IDH3B: variants seen among roughly 807,000 people sequenced by gnomAD.
IDH3B encodes the protein isocitrate dehydrogenase [NAD] subunit beta, mitochondrial.
In IDH3B, 40 loss-of-function variants were observed where a neutral mutation model predicts 47.5. That is an observed-to-expected ratio of 0.84 (90% CI 0.65 to 1.10). The LOEUF (loss-of-function observed/expected upper bound fraction) is 1.10, where lower values mean the gene tolerates loss of function less well. IDH3B is among the 50% of genes least tolerant of loss of function. IDH3B has a pLI of 0.00. For missense variants in IDH3B, 450 were observed against 505.2 expected (o/e 0.89, Z 1.05); for synonymous variants, 185 against 191.0 (o/e 0.97, Z 0.26).
intron 11 of IDH3B, 159 bp downstream of exon 11, chr20:2,659,365 AG>A: frequency 6.3e-7 from 1 of 1,575,122 alleles, no homozygotes; most frequent in Non-Finnish European, 8.6e-7. Flanking sequence ...AGGGAGATGA[AG>A]AACAGCCCTG....
chr20:2,658,690 T>TA lies in IDH3B; in HGVS notation c.*60dup. 1 of 1,614,158 alleles carries TA rather than the reference T, an allele frequency of 6.2e-7. No individual in the cohort carries two copies. Among genetic ancestry groups the TA allele is most frequent in the Non-Finnish European group, 8.5e-7 (1 of 1,180,004 alleles). On this transcript the variant is annotated 3_prime_UTR_variant, in exon 12 of 12. Transcript: ENST00000380843. The stretch of plus-strand genomic sequence containing the variant: ...TAGAGGCACAAGGTCTCTTCCCTGG[T>TA]ACACTGCACTGAAGGGTATGGGGAG...
Position 2,660,276 on chromosome 20 carries a change from T to C in IDH3B, c.755A>G (p.Asn252Ser). Residue 252 changes from asparagine to serine, a missense_variant, in exon 8 of 12, where the codon AAC (asparagine) becomes AGC (serine). Transcript: ENST00000380843. The surrounding 1 kb of genome is among the most constrained non-coding windows in gnomAD (Gnocchi z 5.6). ...GGGAGGCCTCACCTGCATGCAGCAG[T>C]TGTCTATGATCATTGTCTCAAATTT... ...KIKFETMIID[N>S]CCMQLVQNPY... is the part of the protein sequence containing the mutation. The C allele has an allele frequency of 6.2e-7, 1 of 1,614,086 alleles. No homozygotes were observed. Among genetic ancestry groups the C allele is most frequent in the Non-Finnish European group, 8.5e-7 (1 of 1,179,986 alleles).
At chr20:2,659,426 A>T in intron 11 of IDH3B, 99 bp downstream of exon 11, 2 of 1,514,930 alleles carry the variant, frequency 1.3e-6, no homozygotes, top group Non-Finnish European at 1.8e-6. Flanking sequence ...ACCTGGGGGG[A>T]AAGGAGACCC....
intron 1 of IDH3B, 44 bp downstream of exon 1, chr20:2,664,109 C>A: frequency 6.2e-7 from 1 of 1,607,332 alleles, no homozygotes; most frequent in Non-Finnish European, 8.5e-7. Flanking sequence ...GACAAACTCT[C>A]CGCTCCTTCG....
At chr20:2,662,678 G>A (rs1413681386) in intron 4 of IDH3B, among the ~76,000 whole-genome samples, 2 of 152,094 alleles carry the variant, frequency 1.3e-5, no homozygotes, top group Non-Finnish European at 2.9e-5. Context: ...AATTAGCCTG[G>A]GCATGGTGGC....
chr20:2,658,833 C>T lies in IDH3B; in HGVS notation c.1076G>A (p.Arg359Gln), dbSNP rs151027738. 5.8e-5 allele frequency: 93 copies of T among 1,613,906 alleles called. No homozygotes were observed. Among genetic ancestry groups the T allele is most frequent in the Middle Eastern group, 1.6e-4 (1 of 6,066 alleles). Residue 359 changes from arginine to glutamine, a missense_variant, in exon 12 of 12, where the codon CGG (arginine) becomes CAG (glutamine). Transcript: ENST00000380843. Reference sequence around the variant, plus strand: ...GCTGTAGCCGCCCATGTCTCGAGTCCGCACCTACAGCCACCACCGGCAACA... The same window carrying T: ...GCTGTAGCCGCCCATGTCTCGAGTCTGCACCTACAGCCACCACCGGCAACA... ...VKKVIKVGKVRTRDMGGYSTT... is the reference protein window; with the variant it reads ...VKKVIKVGKVQTRDMGGYSTT...
In IDH3B at chr20:2,658,651, C is replaced by T. The variant is rs775683852; in HGVS notation, c.*100G>A. ...CCTAGGCTCTACCCAGCAAGGTGAC[C>T]ATGGTCCACTGCTTAGAGGCACAAG... On this transcript the variant is annotated 3_prime_UTR_variant, in exon 12 of 12. Coordinates refer to ENST00000380843, the MANE Select transcript of IDH3B (RefSeq NM_006899.5). The T allele has an allele frequency of 8.7e-6, 14 of 1,613,900 alleles. No homozygotes were observed. The highest frequency in any genetic ancestry group is 1.7e-4 in the Middle Eastern group (1 of 6,058).
chr20:2,659,852 T>C, intron 9 of IDH3B, 59 bp from the exon 10 acceptor site: 2 of 1,475,108 alleles, frequency 1.4e-6, no homozygotes, highest in South Asian at 1.1e-5. Flanking sequence ...TGCAGAGGCT[T>C]AGGTTGGAAA....
rs556473702 is a variant in IDH3B, at chr20:2,658,841, C to A, written c.1072-4G>T. ...CGCCCATGTCTCGAGTCCGCACCTA[C>A]AGCCACCACCGGCAACAGCCGTGGG... On this transcript the variant is annotated splice_polypyrimidine_tract_variant and splice_region_variant and intron_variant, in intron 11 of 11. Transcript: ENST00000380843. The A allele has an allele frequency of 6.2e-7, 1 of 1,614,082 alleles. No homozygotes were observed. The highest frequency in any genetic ancestry group is 8.5e-7 in the Non-Finnish European group (1 of 1,180,038).
Position 2,658,705 on chromosome 20 carries a change from G to A in IDH3B, c.*46C>T. On this transcript the variant is annotated 3_prime_UTR_variant, in exon 12 of 12. Coordinates refer to ENST00000380843, the MANE Select transcript of IDH3B (RefSeq NM_006899.5). ...TCTTCCCTGGTACACTGCACTGAAG[G>A]GTATGGGGAGTGTGGTCCTTGCAAG... 1 of 1,614,148 alleles carries A rather than the reference G, an allele frequency of 6.2e-7. No homozygotes were observed. The highest frequency in any genetic ancestry group is 1.1e-5 in the South Asian group (1 of 91,076).
At chr20:2,663,411 T>C in intron 4 of IDH3B, 35 bp downstream of exon 4, 1 of 1,613,496 alleles carries the variant, frequency 6.2e-7, no homozygotes. Context: ...TGATTTTAAA[T>C]GGCACATGGA....
chr20:2,660,984 T>G lies in IDH3B; in HGVS notation c.338-15A>C. The stretch of plus-strand genomic sequence containing the variant: ...ATGAATCTTTCCTGTGAAAACAAAG[T>G]GGGAAAAGGAGTGTCAGCCACAGGC... On this transcript the variant is annotated splice_polypyrimidine_tract_variant and intron_variant, in intron 4 of 11. Transcript: ENST00000380843. This position sits in a 1 kb window ranked among gnomAD's most constrained non-coding sequence, Gnocchi z 5.6. 6.2e-6 allele frequency: 10 copies of G among 1,613,346 alleles called. No individual in the cohort carries two copies. The highest frequency in any genetic ancestry group is 8.5e-6 in the Non-Finnish European group (10 of 1,179,620).
At chr20:2,659,228 C>A (rs1045954538) in intron 11 of IDH3B, 2 of 1,441,084 alleles carry the variant, frequency 1.4e-6, no homozygotes, top group Admixed American at 2.8e-5. Context: ...TGTTCCACCC[C>A]CAAGGAGAGC....
At position 2,664,007 on chromosome 20, in the gene IDH3B, T is replaced by G. The variant is rs1568552186; in HGVS notation, c.37-2A>C. On this transcript the variant is annotated splice_acceptor_variant, in intron 1 of 11. Coordinates refer to ENST00000380843, the MANE Select transcript of IDH3B (RefSeq NM_006899.5). LOFTEE classifies it high-confidence loss of function. ...AGGGTTCCCGGCGGAGACCAGCGCC[T>G]GCAACAGGGACACACAAGCCTGTAA... The G allele has an allele frequency of 6.2e-7, 1 of 1,614,068 alleles. No homozygotes were observed. Among genetic ancestry groups the G allele is most frequent in the Non-Finnish European group, 8.5e-7 (1 of 1,179,974 alleles).
intron 11 of IDH3B, 200 bp downstream of exon 11, chr20:2,659,307 TGGGATCTAAGAGGCAAAA>T: frequency 1.3e-6 from 2 of 1,502,196 alleles, no homozygotes; most frequent in Non-Finnish European, 1.8e-6. Context: ...GAACAGCAGA[TGGGATCTAAGAGGCAAAA>T]GAGATCAAGA....
intron 4 of IDH3B, among the ~76,000 whole-genome samples, chr20:2,661,657 G>A (rs931649922): frequency 6.6e-6 from 1 of 152,102 alleles, no homozygotes; most frequent in Admixed American, 6.5e-5. Flanking sequence ...TCAATTATAT[G>A]TCAGGCAATA....
rs1600168804 is a variant in IDH3B, at chr20:2,660,293, C to T, written c.738G>A (p.Glu246=). ...VAELYPKIKF[E]TMIIDNCCMQ... is the part of the protein sequence containing the mutation. ...TGCAGCAGTTGTCTATGATCATTGT[C>T]TCAAATTTGATTTTGGGGTACAGTT... The change falls in exon 8 of 12, where the codon GAG becomes GAA. Residue 246 remains glutamate, a synonymous_variant. Coordinates refer to ENST00000380843, the MANE Select transcript of IDH3B (RefSeq NM_006899.5). This position sits in a 1 kb window ranked among gnomAD's most constrained non-coding sequence, Gnocchi z 5.6. The T allele has an allele frequency of 6.2e-7, 1 of 1,614,102 alleles. No homozygotes were observed. Among genetic ancestry groups the T allele is most frequent in the African/African-American group, 1.3e-5 (1 of 75,002 alleles).
At chr20:2,663,332 G>A (rs1232710139) in intron 4 of IDH3B, 114 bp downstream of exon 4, 2 of 1,231,124 alleles carry the variant, frequency 1.6e-6, no homozygotes, top group Non-Finnish European at 2.4e-6. Flanking sequence ...AATACCAATG[G>A]TGGTTGCCCT....
Position 2,663,958 on chromosome 20 carries a change from G to C in IDH3B, c.84C>G (p.Thr28=). ...GCGATGCAGCGTGCGCCGCGGCCGAGGTACTCAGACCTCTCCATGCCCCAG... is the reference window on the plus strand; with the variant it reads ...GCGATGCAGCGTGCGCCGCGGCCGACGTACTCAGACCTCTCCATGCCCCAG... ...GNPGAWRGLS[T]SAAAHAASRS... The change falls in exon 2 of 12, where the codon ACC becomes ACG. Residue 28 remains threonine (T), a synonymous_variant. Transcript: ENST00000380843. The C allele has an allele frequency of 6.2e-7, 1 of 1,614,118 alleles. No individual in the cohort carries two copies. Among genetic ancestry groups the C allele is most frequent in the Non-Finnish European group, 8.5e-7 (1 of 1,180,028 alleles).
Sources: allele counts gnomAD v4.1 joint callset (sites outside exome capture counted in the v4.1 genomes callset), GRCh38; gene constraint gnomAD v4.1.1; non-coding constraint Gnocchi (gnomAD v3.1); transcripts MANE v1.5; gene names NCBI Gene and HGNC (gene_info 2026-07-23, HGNC 2026-07-21).